The following CIT variants were observed in gnomAD, a reference collection of about 807,000 sequenced individuals.
The protein encoded by CIT is citron rho-interacting serine/threonine kinase, also known as citron Rho-interacting kinase.
CIT carries 79 observed loss-of-function variants against 272.7 expected under a neutral mutation model. The ratio of observed to expected loss-of-function variants is 0.29; its 90% CI spans 0.24 to 0.35. CIT has a LOEUF of 0.35. Ranked by LOEUF, CIT falls within the 10% of genes least tolerant of loss-of-function variation. The pLI, the probability that CIT is intolerant of heterozygous loss-of-function variation, is 1.00. For missense variants in CIT, 1,909 were observed against 2,618.3 expected (o/e 0.73, Z 5.91); for synonymous variants, 948 against 995.6 (o/e 0.95, Z 0.90).
intron 5 of CIT, among the ~76,000 whole-genome samples, chr12:119,849,219 G>T (rs891269630): frequency 6.6e-6 from 1 of 152,166 alleles, no homozygotes; most frequent in African/African-American, 2.4e-5. Context: ...TTGAGGTCAG[G>T]AGTTTGCGGC....
At chr12:119,826,971 T>C (rs1968219262) in intron 7 of CIT, among the ~76,000 whole-genome samples, 1 of 152,202 alleles carries the variant, frequency 6.6e-6, no homozygotes, top group African/African-American at 2.4e-5. Context: ...TCCATTCCTC[T>C]GCCATGAGAC....
Position 119,832,834 on chromosome 12 carries a change from G to A in CIT, c.690C>T (p.Asp230=), listed in dbSNP as rs17442937. The change falls in exon 7 of 48, where the codon GAC becomes GAT. Residue 230 remains aspartate, a synonymous_variant. Coordinates refer to ENST00000392521, the MANE Select transcript of CIT (RefSeq NM_001206999.2). ...RDIKPENILV[D]RTGHIKLVDF... is the part of the protein sequence containing the mutation. The stretch of plus-strand genomic sequence containing the variant: ...CCACCAGCTTGATGTGTCCTGTGCG[G>A]TCAACGAGAATGTTCTCAGGCTTGA... 0.016 allele frequency: 25,707 copies of A among 1,613,758 alleles called. 265 individuals carry two copies. Among genetic ancestry groups the A allele is most frequent in the Non-Finnish European group, 0.018 (21,228 of 1,179,738 alleles).
chr12:119,690,581 G>A lies in CIT; in HGVS notation c.5883-127C>T. On this transcript the variant is annotated intron_variant, in intron 46 of 47. Coordinates refer to ENST00000392521, the MANE Select transcript of CIT (RefSeq NM_001206999.2). This position sits in a 1 kb window ranked among gnomAD's most constrained non-coding sequence, Gnocchi z 6.0. ...TGATTATCAAGAGATTAGACCTGGA[G>A]TTCTTTGGACTTTGCCTGCATTTGA... 1 of 926,044 alleles carries A rather than the reference G, an allele frequency of 1.1e-6. No individual in the cohort carries two copies. The highest frequency in any genetic ancestry group is 1.5e-6 in the Non-Finnish European group (1 of 649,288). The allele number at this position is 926,044 out of a possible 1,614,324, so 57.4% of individuals were successfully genotyped here.
intron 13 of CIT, among the ~76,000 whole-genome samples, chr12:119,777,346 G>A (rs561532993): frequency 5.3e-5 from 8 of 151,942 alleles, no homozygotes; most frequent in Non-Finnish European, 1.2e-4. Flanking sequence ...GAAGTGTAGG[G>A]TGAAGATGAG....
At chr12:119,743,848 T>C (rs563716902) in intron 23 of CIT, among the ~76,000 whole-genome samples, 1 of 152,290 alleles carries the variant, frequency 6.6e-6, no homozygotes, top group Admixed American at 6.5e-5. Flanking sequence ...TGGTCAACTT[T>C]TGAAAAAGCA....
chr12:119,747,118 A>G (rs981220080), intron 23 of CIT, among the ~76,000 whole-genome samples: 1 of 152,202 alleles, frequency 6.6e-6, no homozygotes, highest in Admixed American at 6.5e-5. Context: ...TACACTTGCA[A>G]CATTAGAAAT....
intron 9 of CIT, 194 bp from the exon 10 acceptor site, chr12:119,803,583 A>G (rs1966394312): frequency 4.7e-6 from 2 of 428,008 alleles, no homozygotes; most frequent in Non-Finnish European, 4.1e-6. Context: ...ATGGCCACCA[A>G]CCCGCAGACA....
rs1267182617 is a variant in CIT, at chr12:119,784,953, T to C, written c.1401+7A>G. 6.2e-7 allele frequency: 1 copy of C among 1,614,092 alleles called. No individual in the cohort carries two copies. Among genetic ancestry groups the C allele is most frequent in the Admixed American group, 1.7e-5 (1 of 60,020 alleles). On this transcript the variant is annotated splice_region_variant and intron_variant, in intron 11 of 47. Coordinates refer to ENST00000392521, the MANE Select transcript of CIT (RefSeq NM_001206999.2). The surrounding 1 kb of genome is among the most constrained non-coding windows in gnomAD (Gnocchi z 4.7). The stretch of plus-strand genomic sequence containing the variant: ...CAAGGAAGGAGGCCGGCTGCGGAAA[T>C]AAATACCTTGTGACACTTGTCCTGA...
In CIT at chr12:119,733,756, T is replaced by A. The variant is rs534444305; in HGVS notation, c.3350+408A>T. 3.9e-5 allele frequency among the ~76,000 whole-genome samples: 6 copies of A among 152,132 alleles called. No homozygotes were observed. In the South Asian group the frequency reaches 8.3e-4, roughly 21 times the overall value. On this transcript the variant is annotated intron_variant, in intron 26 of 47. Transcript: ENST00000392521. ...CCCCATAACAAAGAATGACCCAGCCTGACATGTCAATAGTGCCAAGGTTGA... is the reference window on the plus strand; with the variant it reads ...CCCCATAACAAAGAATGACCCAGCCAGACATGTCAATAGTGCCAAGGTTGA...
intron 3 of CIT, among the ~76,000 whole-genome samples, chr12:119,867,458 G>A (rs1950547936): frequency 6.6e-6 from 1 of 152,186 alleles, no homozygotes; most frequent in Non-Finnish European, 1.5e-5. Context: ...AAAGCGCTGG[G>A]CTTACACGCA....
In CIT at chr12:119,710,770, AT is replaced by A; in HGVS notation, c.4855-151del. 1.3e-6 allele frequency: 1 copy of A among 771,396 alleles called. No individual in the cohort carries two copies. The highest frequency in any genetic ancestry group is 2.1e-6 in the Non-Finnish European group (1 of 472,708). The allele number at this position is 771,396 out of a possible 1,614,324, so 47.8% of individuals were successfully genotyped here. ...CACATATGCTCTTAGCTCAGCCCGTATTTTGATCTGAGCTCCAAATGCAAAA... is the reference window on the plus strand; with the variant it reads ...CACATATGCTCTTAGCTCAGCCCGTATTTGATCTGAGCTCCAAATGCAAAA... On this transcript the variant is annotated intron_variant, in intron 37 of 47. Transcript: ENST00000392521. This position sits in a 1 kb window ranked among gnomAD's most constrained non-coding sequence, Gnocchi z 5.6.
chr12:119,714,383 A>C (rs1363867535), intron 32 of CIT, 49 bp from the exon 33 acceptor site: 1 of 1,592,776 alleles, frequency 6.3e-7, no homozygotes, highest in Non-Finnish European at 8.6e-7. Context: ...AAATGATCCC[A>C]TCAGGAAAGT....
chr12:119,875,990 C>T (rs1437778508), intron 2 of CIT, 83 bp downstream of exon 2: 1 of 876,254 alleles, frequency 1.1e-6, no homozygotes. Context: ...AATAAATAAA[C>T]AAATAAATAA....
chr12:119,813,930 A>G (rs534067834), intron 9 of CIT, among the ~76,000 whole-genome samples: 1 of 152,232 alleles, frequency 6.6e-6, no homozygotes, highest in South Asian at 2.1e-4. Context: ...CTTTTTTTTC[A>G]TGCGACTGGG....
At chr12:119,873,782 A>AG (rs1950756194) in intron 2 of CIT, among the ~76,000 whole-genome samples, 1 of 151,416 alleles carries the variant, frequency 6.6e-6, no homozygotes, top group Non-Finnish European at 1.5e-5. Flanking sequence ...ATATTTTGGA[A>AG]AAAAAAAAAA....
At chr12:119,854,256 G>A (rs172167) in intron 4 of CIT, among the ~76,000 whole-genome samples, 101 of 150,844 alleles carry the variant, frequency 6.7e-4, no homozygotes, top group African/African-American at 2.1e-3. Context: ...TCAAACTCCC[G>A]ACCTCAAGTG....
In CIT at chr12:119,869,155, C is replaced by T. The variant is rs142607751; in HGVS notation, c.143G>A (p.Arg48Gln). The change falls in exon 3 of 48, where the codon CGA becomes CAA. Residue 48 changes from arginine (R) to glutamine (Q), a missense_variant. Transcript: ENST00000392521. ...MTQQQMSPLS[R>Q]EGILDALFVL... is the part of the protein sequence containing the mutation. ...AAAGAGGGCATCTAATATCCCTTCTCGGGAAAGAGGAGACATCTGCTGTTG... is the reference window on the plus strand; with the variant it reads ...AAAGAGGGCATCTAATATCCCTTCTTGGGAAAGAGGAGACATCTGCTGTTG... The T allele has an allele frequency of 4.5e-4, 731 of 1,612,798 alleles. 3 individuals are homozygous for T. Among genetic ancestry groups the T allele is most frequent in the Non-Finnish European group, 5.8e-4 (684 of 1,179,634 alleles).
At chr12:119,835,965 G>T (rs775789861) in intron 5 of CIT, among the ~76,000 whole-genome samples, 13 of 152,010 alleles carry the variant, frequency 8.6e-5, no homozygotes, top group Non-Finnish European at 1.5e-4. Flanking sequence ...GAAGAGTAAG[G>T]TTCCACTTGT....
In CIT at chr12:119,713,298, G is replaced by A. The variant is rs1248331547; in HGVS notation, c.4488-4C>T. The A allele has an allele frequency of 3.1e-6, 5 of 1,613,352 alleles. No homozygotes were observed. Among genetic ancestry groups the A allele is most frequent in the Admixed American group, 1.7e-5 (1 of 59,968 alleles). On this transcript the variant is annotated splice_polypyrimidine_tract_variant and splice_region_variant and intron_variant, in intron 34 of 47. Coordinates refer to ENST00000392521, the MANE Select transcript of CIT (RefSeq NM_001206999.2). This position sits in a 1 kb window ranked among gnomAD's most constrained non-coding sequence, Gnocchi z 5.2. ...TTGCTGTCCTCGTTTGTTATTCCTG[G>A]GGAAAGAAAGATGGAAAAGAAAAAT...
Sources: allele counts gnomAD v4.1 joint callset (sites outside exome capture counted in the v4.1 genomes callset), GRCh38; gene constraint gnomAD v4.1.1; non-coding constraint Gnocchi (gnomAD v3.1); transcripts MANE v1.5; gene names NCBI Gene and HGNC (gene_info 2026-07-23, HGNC 2026-07-21).